Variants in VAV2 observed in about 807,000 individuals in gnomAD.
The protein encoded by VAV2 is guanine nucleotide exchange factor VAV2.
VAV2 carries 67 observed loss-of-function variants against 132.5 expected under a neutral mutation model. The observed-to-expected ratio is 0.51, with a 90% confidence interval of 0.42 to 0.62. VAV2 has a LOEUF of 0.62. Among genes scored for constraint, VAV2 ranks in the 20% least tolerant of loss-of-function variants. The pLI is 0.00. For missense variants in VAV2, 938 were observed against 1,153.6 expected (o/e 0.81, Z 2.71); for synonymous variants, 492 against 443.5 (o/e 1.11, Z -1.37).
In VAV2 at chr9:133,952,970, C is replaced by A. The variant is rs563207499; in HGVS notation, c.205-13751G>T. Among the ~76,000 whole-genome samples the A allele has an allele frequency of 1.4e-3, 201 of 140,452 alleles. 9 individuals carry two copies. The East Asian group carries it at 0.027, about 19-fold the overall frequency. 92.1% of individuals were successfully genotyped at this position (140,452 alleles called of 152,430 possible). ...TAGAACCTGGAGGGAGCATGGCCCC[C>A]GGGACACCTAGAACCTGGAGGGAGC... On this transcript the variant is annotated intron_variant, in intron 1 of 29. Transcript: ENST00000371850.
At chr9:133,856,108 G>A (rs1837374926) in intron 3 of VAV2, among the ~76,000 whole-genome samples, 1 of 152,212 alleles carries the variant, frequency 6.6e-6, no homozygotes, top group South Asian at 2.1e-4. Flanking sequence ...CAGGCAAACA[G>A]AAAGCAGGCT....
intron 4 of VAV2, among the ~76,000 whole-genome samples, chr9:133,821,460 G>A (rs1480259394): frequency 2.0e-5 from 3 of 152,182 alleles, no homozygotes; most frequent in Admixed American, 2.0e-4. Flanking sequence ...TGCAACAGGA[G>A]AGTGACAGTT....
chr9:133,965,070 C>G (rs1842100363), intron 1 of VAV2, among the ~76,000 whole-genome samples: 1 of 152,100 alleles, frequency 6.6e-6, no homozygotes, highest in Admixed American at 6.5e-5. Flanking sequence ...ATAGAAAACC[C>G]TAAAAGCTCC....
rs1281641729 is a variant in VAV2, at chr9:133,961,368, T to A, written c.205-22149A>T. ...ACCATGGGCAGTGGAATGAGCAACG[T>A]GCAGTTTTGCACCCAGAAACTGGTC... On this transcript the variant is annotated intron_variant, in intron 1 of 29. Transcript: ENST00000371850. The surrounding 1 kb of genome is among the most constrained non-coding windows in gnomAD (Gnocchi z 4.1). Among the ~76,000 whole-genome samples, 1 of 152,190 alleles carries A rather than the reference T, an allele frequency of 6.6e-6. No individual in the cohort carries two copies. The highest frequency in any genetic ancestry group is 1.5e-5 in the Non-Finnish European group (1 of 68,036).
intron 4 of VAV2, among the ~76,000 whole-genome samples, chr9:133,829,114 G>A (rs906505983): frequency 6.6e-6 from 1 of 152,240 alleles, no homozygotes; most frequent in Non-Finnish European, 1.5e-5. Context: ...GCCCCCAAGA[G>A]TTGGGCAGGA....
chr9:133,880,223 C>T (rs1028631656), intron 2 of VAV2, among the ~76,000 whole-genome samples: 3 of 152,204 alleles, frequency 2.0e-5, no homozygotes, highest in African/African-American at 7.2e-5. Context: ...AAGGTGTGTC[C>T]CCAAGAAGCT....
intron 24 of VAV2, 70 bp from the exon 25 acceptor site, chr9:133,775,121 G>C: frequency 1.5e-6 from 2 of 1,330,348 alleles, no homozygotes; most frequent in Non-Finnish European, 2.1e-6. Flanking sequence ...CCAGCCCTCC[G>C]TGCGTGGCAG....
intron 1 of VAV2, among the ~76,000 whole-genome samples, chr9:133,952,606 G>GGA (rs1554816803): frequency 6.7e-6 from 1 of 148,470 alleles, no homozygotes; most frequent in Non-Finnish European, 1.5e-5. Flanking sequence ...CTGTCTCGGG[G>GGA]AAAAAAAAAA....
In VAV2 at chr9:133,883,852, T is replaced by A. The variant is rs1838596439; in HGVS notation, c.322-22420A>T. On this transcript the variant is annotated intron_variant, in intron 2 of 29. Transcript: ENST00000371850. This position sits in a 1 kb window ranked among gnomAD's most constrained non-coding sequence, Gnocchi z 4.2. The stretch of plus-strand genomic sequence containing the variant: ...GCAACTTTGCTTAAATTGATTCTAG[T>A]AGGCCCGGTGTGGTGGCTTATACCT... Among the ~76,000 whole-genome samples the A allele has an allele frequency of 6.6e-6, 1 of 152,150 alleles. No homozygotes were observed. Among genetic ancestry groups the A allele is most frequent in the African/African-American group, 2.4e-5 (1 of 41,420 alleles).
At chr9:133,775,125 G>A (rs151310911) in intron 24 of VAV2, 74 bp from the exon 25 acceptor site, 57 of 1,276,322 alleles carry the variant, frequency 4.5e-5, no homozygotes, top group African/African-American at 2.8e-4. Context: ...CCCTCCGTGC[G>A]TGGCAGGCCA....
rs751394370 is a variant in VAV2 at position 133,788,317 on chromosome 9, C to T, written c.1407+37G>A. 23 of 1,584,996 alleles carry T rather than the reference C, an allele frequency of 1.5e-5. No homozygotes were observed. Among genetic ancestry groups the T allele is most frequent in the South Asian group, 4.4e-5 (4 of 90,308 alleles). On this transcript the variant is annotated intron_variant, in intron 15 of 29. Transcript: ENST00000371850. This position sits in a 1 kb window ranked among gnomAD's most constrained non-coding sequence, Gnocchi z 5.3. ...AGTGCCTCTCTCCAGGCCACCCCCACGTTCCTGGGTAGCAGGGGGGACCCG... is the reference window on the plus strand; with the variant it reads ...AGTGCCTCTCTCCAGGCCACCCCCATGTTCCTGGGTAGCAGGGGGGACCCG...
At chr9:133,845,605 C>T (rs1420360183) in intron 3 of VAV2, among the ~76,000 whole-genome samples, 1 of 152,222 alleles carries the variant, frequency 6.6e-6, no homozygotes, top group African/African-American at 2.4e-5. Context: ...TGGCCGAGGC[C>T]TTGGCAGTCT....
chr9:133,799,605 C>A (rs979346289), intron 9 of VAV2, among the ~76,000 whole-genome samples: 3 of 152,162 alleles, frequency 2.0e-5, no homozygotes, highest in African/African-American at 7.2e-5. Flanking sequence ...TTGCAAAGGG[C>A]CTGCCTCCTG....
chr9:133,962,428 C>T (rs752320465), intron 1 of VAV2, among the ~76,000 whole-genome samples: 7 of 152,232 alleles, frequency 4.6e-5, no homozygotes, highest in Admixed American at 2.6e-4. Context: ...CAGAGGGGTG[C>T]GGGTGTCCCT....
intron 1 of VAV2, among the ~76,000 whole-genome samples, chr9:133,985,295 T>C (rs1037580121): frequency 6.6e-5 from 10 of 151,812 alleles, no homozygotes; most frequent in Non-Finnish European, 1.2e-4. Context: ...GTTTTTGTTT[T>C]TTCTGAGATG....
intron 2 of VAV2, among the ~76,000 whole-genome samples, chr9:133,874,156 T>A (rs1838170918): frequency 6.6e-6 from 1 of 152,220 alleles, no homozygotes; most frequent in South Asian, 2.1e-4. Flanking sequence ...GATTTGAAGC[T>A]GAGGGACAAA....
intron 3 of VAV2, among the ~76,000 whole-genome samples, chr9:133,844,805 G>A (rs1438958736): frequency 2.6e-5 from 4 of 152,216 alleles, no homozygotes; most frequent in Admixed American, 6.5e-5. Context: ...TCTGATTCAC[G>A]AGGAGGAAAC....
chr9:133,922,710 G>T (rs888657709), intron 2 of VAV2, among the ~76,000 whole-genome samples: 1 of 152,118 alleles, frequency 6.6e-6, no homozygotes, highest in African/African-American at 2.4e-5. Flanking sequence ...AGGCAAAATG[G>T]ATCAAAGACC....
At chr9:133,945,891 C>A (rs1841340932) in intron 1 of VAV2, among the ~76,000 whole-genome samples, 2 of 152,216 alleles carry the variant, frequency 1.3e-5, no homozygotes, top group Non-Finnish European at 2.9e-5. Context: ...ACAACCCAGG[C>A]CTGCTCCCAC....
Sources: gnomAD v4.1 joint callset for allele counts (sites outside exome capture counted in the v4.1 genomes callset) on GRCh38, gnomAD v4.1.1 for gene constraint, Gnocchi (gnomAD v3.1) non-coding constraint, MANE v1.5 for transcripts, NCBI Gene and HGNC (gene_info 2026-07-23, HGNC 2026-07-21) for gene names.